Variants in ASTN2 observed in about 807,000 individuals in gnomAD.
ASTN2 encodes astrotactin-2.
A neutral mutation model predicts 139.8 loss-of-function variants in ASTN2; 54 were observed. That is an observed-to-expected ratio of 0.39 (90% CI 0.31 to 0.48). The LOEUF (loss-of-function observed/expected upper bound fraction) is 0.48. Among genes scored for constraint, ASTN2 ranks in the 20% least tolerant of loss-of-function variants. ASTN2 has a pLI of 0.95. For missense variants in ASTN2, 1,565 were observed against 1,725.1 expected (o/e 0.91, Z 1.64); for synonymous variants, 756 against 719.5 (o/e 1.05, Z -0.81).
intron 20 of ASTN2, among the ~76,000 whole-genome samples, chr9:116,461,697 A>T (rs867426705): frequency 6.6e-6 from 1 of 152,120 alleles, no homozygotes; most frequent in African/African-American, 2.4e-5. Context: ...TCATGATTCA[A>T]TAGAGGGCCT....
At chr9:117,389,745 C>T (rs752955806) in intron 1 of ASTN2, among the ~76,000 whole-genome samples, 7 of 151,318 alleles carry the variant, frequency 4.6e-5, no homozygotes, top group East Asian at 1.9e-4. Context: ...ACTAGGTATG[C>T]GGTATTGAAA....
chr9:117,063,864 C>T (rs1189814741), intron 5 of ASTN2, among the ~76,000 whole-genome samples: 1 of 152,026 alleles, frequency 6.6e-6, no homozygotes, highest in African/African-American at 2.4e-5. Flanking sequence ...TTGTGAGCCA[C>T]AGGACCACAA....
At chr9:117,231,278 T>C (rs12349264) in intron 2 of ASTN2, among the ~76,000 whole-genome samples, 49,113 of 152,192 alleles carry the variant, frequency 0.32, 9,256 homozygotes, top group Middle Eastern at 0.45. Flanking sequence ...ATTACAGCTG[T>C]CTACAATGGC....
intron 4 of ASTN2, among the ~76,000 whole-genome samples, chr9:117,125,435 G>T (rs1572156): frequency 0.23 from 35,286 of 152,064 alleles, 4,195 homozygotes; most frequent in South Asian, 0.28. Context: ...CTGAAATTAG[G>T]TTTAACAACT....
intron 13 of ASTN2, among the ~76,000 whole-genome samples, chr9:116,784,929 C>CAAA (rs58241855): frequency 1.7e-4 from 18 of 104,120 alleles, no homozygotes; most frequent in Non-Finnish European, 1.9e-4. Flanking sequence ...AACTCCGCCT[C>CAAA]AAAAAAAAAA....
intron 10 of ASTN2, among the ~76,000 whole-genome samples, chr9:116,946,230 A>G (rs1406140539): frequency 1.3e-5 from 2 of 152,178 alleles, no homozygotes; most frequent in Non-Finnish European, 2.9e-5. Context: ...TTCCTTTAGA[A>G]AGCCTTTTAT....
At chr9:117,087,281 C>T (rs191812131) in intron 5 of ASTN2, among the ~76,000 whole-genome samples, 2 of 151,942 alleles carry the variant, frequency 1.3e-5, no homozygotes, top group East Asian at 1.9e-4. Flanking sequence ...GATGCCCAGT[C>T]TTTAGTGCAG....
At chr9:116,896,177 G>A (rs1204791597) in intron 10 of ASTN2, among the ~76,000 whole-genome samples, 1 of 152,128 alleles carries the variant, frequency 6.6e-6, no homozygotes, top group Non-Finnish European at 1.5e-5. Flanking sequence ...TAAGGAATGT[G>A]GTAATAGTAG....
At chr9:117,345,271 C>T (rs1829180756) in intron 1 of ASTN2, among the ~76,000 whole-genome samples, 1 of 152,038 alleles carries the variant, frequency 6.6e-6, no homozygotes, top group African/African-American at 2.4e-5. Context: ...TATGTGTCAG[C>T]CACAGTCTAG....
intron 4 of ASTN2, among the ~76,000 whole-genome samples, chr9:117,096,917 C>T (rs944490802): frequency 6.6e-6 from 1 of 152,154 alleles, no homozygotes; most frequent in Non-Finnish European, 1.5e-5. Flanking sequence ...TCAGGGGCAA[C>T]ATTAAGTGGA....
chr9:117,267,823 G>GTAGTT (rs948844533), intron 2 of ASTN2, among the ~76,000 whole-genome samples: 1 of 152,114 alleles, frequency 6.6e-6, no homozygotes, highest in African/African-American at 2.4e-5. Flanking sequence ...GAGTGATTTA[G>GTAGTT]TAGTTTTCAA....
chr9:117,132,991 A>G (rs1307489378), intron 4 of ASTN2, among the ~76,000 whole-genome samples: 5 of 152,194 alleles, frequency 3.3e-5, no homozygotes, highest in Non-Finnish European at 7.4e-5. Context: ...TAATATCCCC[A>G]GGATATTAAG....
chr9:117,133,085 AC>A (rs1245927086), intron 4 of ASTN2, among the ~76,000 whole-genome samples: 2 of 152,120 alleles, frequency 1.3e-5, no homozygotes, highest in Non-Finnish European at 2.9e-5. Flanking sequence ...GAAGTTTCTG[AC>A]TCCAAATTCT....
chr9:117,353,760 G>A (rs749720526), intron 1 of ASTN2, among the ~76,000 whole-genome samples: 1 of 151,924 alleles, frequency 6.6e-6, no homozygotes, highest in African/African-American at 2.4e-5. Context: ...CACTAAATAC[G>A]ACCCTTAAAT....
At chr9:116,632,665 A>G (rs1238213073) in intron 17 of ASTN2, among the ~76,000 whole-genome samples, 1 of 152,188 alleles carries the variant, frequency 6.6e-6, no homozygotes, top group South Asian at 2.1e-4. Flanking sequence ...ATCTTTGTAC[A>G]TGGGTTCCCC....
chr9:117,144,201 C>G (rs1161477716), intron 3 of ASTN2, among the ~76,000 whole-genome samples: 2 of 152,118 alleles, frequency 1.3e-5, no homozygotes, highest in African/African-American at 2.4e-5. Flanking sequence ...AGGAAGAGGG[C>G]CCTCACCAGA....
rs1180124431 is a variant in ASTN2, at chr9:116,490,579, T to C, written c.3356-3079A>G. ...TAACTCATAAAGAAAAGGGATTTAA[T>C]TGACTCATGGTTCTGCATGGCTAGA... On this transcript the variant is annotated intron_variant, in intron 19 of 22. Transcript: ENST00000313400. Among the ~76,000 whole-genome samples, 4 of 152,292 alleles carry C rather than the reference T, an allele frequency of 2.6e-5. 1 individual carries two copies. The highest frequency in any genetic ancestry group is 9.6e-5 in the African/African-American group (4 of 41,576).
At chr9:116,733,996 T>C (rs1246327818) in intron 13 of ASTN2, among the ~76,000 whole-genome samples, 1 of 151,852 alleles carries the variant, frequency 6.6e-6, no homozygotes, top group Non-Finnish European at 1.5e-5. Context: ...GGGGCAAGAC[T>C]AGGCTGAAAA....
At chr9:116,732,235 T>A (rs2119688) in intron 14 of ASTN2, among the ~76,000 whole-genome samples, 150,684 of 152,270 alleles carry the variant, frequency 0.99, 74,583 homozygotes, top group East Asian at 1. Flanking sequence ...TTAGTTCATG[T>A]CCTTGCTAAC....
Sources: gnomAD v4.1 joint callset for allele counts (sites outside exome capture counted in the v4.1 genomes callset) on GRCh38, gnomAD v4.1.1 for gene constraint, MANE v1.5 for transcripts, NCBI Gene and HGNC (gene_info 2026-07-23, HGNC 2026-07-21) for gene names.